The following CDH22 variants were observed in gnomAD, a reference collection of about 807,000 sequenced individuals.
CDH22 encodes cadherin-22.
A neutral mutation model predicts 58.4 loss-of-function variants in CDH22; 30 were observed. The ratio of observed to expected loss-of-function variants is 0.51; its 90% CI spans 0.38 to 0.70. The LOEUF (loss-of-function observed/expected upper bound fraction) is 0.70, where lower values mean the gene tolerates loss of function less well. Among genes scored for constraint, CDH22 ranks in the 30% least tolerant of loss-of-function variants. CDH22 has a pLI of 0.00. For synonymous variants in CDH22, 513 were observed against 558.2 expected, an observed-to-expected ratio of 0.92 and a Z score of 1.14; for missense variants, 1,014 against 1,233.9, an observed-to-expected ratio of 0.82 and a Z score of 2.67.
chr20:46,181,773 T>TTCTTTCTTTC, intron 10 of CDH22, among the ~76,000 whole-genome samples: 1 of 136,524 alleles, frequency 7.3e-6, no homozygotes, highest in East Asian at 2.1e-4. Flanking sequence ...CTTTCTTTCT[T>TTCTTTCTTTC]TCTTTCTTTC....
At chr20:46,230,449 C>T (rs912065455) in intron 3 of CDH22, among the ~76,000 whole-genome samples, 4 of 152,132 alleles carry the variant, frequency 2.6e-5, no homozygotes, top group African/African-American at 9.7e-5. Context: ...ATGTGGCTCT[C>T]GTGAGCTGGT....
chr20:46,273,932 A>G (rs986929363), intron 1 of CDH22, among the ~76,000 whole-genome samples: 1 of 152,244 alleles, frequency 6.6e-6, no homozygotes, highest in Non-Finnish European at 1.5e-5. Context: ...TTGGGCTGGG[A>G]CAGTTCCCTG....
At chr20:46,236,213 G>A (rs958408795) in intron 3 of CDH22, among the ~76,000 whole-genome samples, 7 of 151,964 alleles carry the variant, frequency 4.6e-5, no homozygotes, top group Admixed American at 1.3e-4. Context: ...CCCAGACCTC[G>A]TGAGCCAGAA....
At chr20:46,226,651 T>A (rs1370220398) in intron 4 of CDH22, among the ~76,000 whole-genome samples, 1 of 152,182 alleles carries the variant, frequency 6.6e-6, no homozygotes, top group Non-Finnish European at 1.5e-5. Context: ...TCCCTACATA[T>A]CTGCCTATCC....
rs1451171517 is a variant in CDH22 at position 46,174,469 on chromosome 20, C to T, written c.*37G>A. 2.2e-6 allele frequency: 3 copies of T among 1,369,034 alleles called. No homozygotes were observed. Among genetic ancestry groups the T allele is most frequent in the Admixed American group, 3.0e-5 (1 of 32,900 alleles). The allele number at this position is 1,369,034 out of a possible 1,614,324, so 84.8% of individuals were successfully genotyped here. On this transcript the variant is annotated 3_prime_UTR_variant, in exon 12 of 12. Transcript: ENST00000537909. The surrounding 1 kb of genome is among the most constrained non-coding windows in gnomAD (Gnocchi z 4.4). Reference sequence around the variant, plus strand: ...TCCTGGGGCCCCGGCGTGTGCTGGGCGGGTGAGCAGCCGCGCCCCGACGGC... The same window carrying T: ...TCCTGGGGCCCCGGCGTGTGCTGGGTGGGTGAGCAGCCGCGCCCCGACGGC...
At chr20:46,285,101 G>A (rs965802243) in intron 1 of CDH22, among the ~76,000 whole-genome samples, 1 of 152,158 alleles carries the variant, frequency 6.6e-6, no homozygotes, top group Non-Finnish European at 1.5e-5. Context: ...GGGACTCATT[G>A]GTTCCCATGT....
chr20:46,218,490 C>A (rs2086101524), intron 4 of CDH22, among the ~76,000 whole-genome samples: 1 of 152,214 alleles, frequency 6.6e-6, no homozygotes, highest in South Asian at 2.1e-4. Flanking sequence ...CTGTCACACT[C>A]ACCTGTATAC....
At chr20:46,227,996 C>T (rs2086191948) in intron 3 of CDH22, among the ~76,000 whole-genome samples, 1 of 152,234 alleles carries the variant, frequency 6.6e-6, no homozygotes, top group South Asian at 2.1e-4. Context: ...AAACTCCCAG[C>T]ACAGAGCTGT....
At chr20:46,261,678 G>C (rs1419270447) in intron 1 of CDH22, among the ~76,000 whole-genome samples, 1 of 152,176 alleles carries the variant, frequency 6.6e-6, no homozygotes, top group African/African-American at 2.4e-5. Context: ...CTGAGTCCCA[G>C]CGGCACTGTG....
intron 3 of CDH22, among the ~76,000 whole-genome samples, chr20:46,234,812 A>G (rs2086242484): frequency 6.6e-6 from 1 of 152,242 alleles, no homozygotes; most frequent in African/African-American, 2.4e-5. Context: ...AGTTAGCACA[A>G]GAGACGAAAC....
chr20:46,208,102 G>T (rs1277179211), intron 7 of CDH22, among the ~76,000 whole-genome samples: 1 of 152,240 alleles, frequency 6.6e-6, no homozygotes, highest in Non-Finnish European at 1.5e-5. Context: ...CACAGGGCTA[G>T]GCTCATAGTC....
chr20:46,210,074 G>A lies in CDH22; in HGVS notation c.1286+233C>T, dbSNP rs1214738305. 2.3e-6 allele frequency: 1 copy of A among 433,832 alleles called. No homozygotes were observed. The highest frequency in any genetic ancestry group is 2.1e-5 in the African/African-American group (1 of 48,280). 26.9% of individuals were successfully genotyped at this position (433,832 alleles called of 1,614,324 possible). A position where few individuals can be genotyped will look rare whatever the true frequency, so the allele number is the denominator to read the frequency against. ...GTCCCTCCTGGTTCTCTCCCTTATT[G>A]GCCTGGCTCGCCTGCCTGTCTCATT... On this transcript the variant is annotated intron_variant, in intron 7 of 11. Transcript: ENST00000537909. The surrounding 1 kb of genome is among the most constrained non-coding windows in gnomAD (Gnocchi z 4.5).
intron 1 of CDH22, among the ~76,000 whole-genome samples, chr20:46,295,963 A>G (rs2086627077): frequency 6.6e-6 from 1 of 152,096 alleles, no homozygotes. Flanking sequence ...GGGTCTTGCT[A>G]TGTTGCCCAG....
intron 1 of CDH22, among the ~76,000 whole-genome samples, chr20:46,266,925 T>G (rs200150932): frequency 6.9e-6 from 1 of 144,778 alleles, no homozygotes; most frequent in Non-Finnish European, 1.5e-5. Flanking sequence ...TTTTTTTTTT[T>G]GCCTTTTTCC....
intron 1 of CDH22, among the ~76,000 whole-genome samples, chr20:46,286,371 C>T (rs190325743): frequency 7.2e-5 from 11 of 152,118 alleles, no homozygotes; most frequent in Admixed American, 5.2e-4. Context: ...CAGCATCCCC[C>T]GGGGTCTCAG....
At position 46,251,462 on chromosome 20, in the gene CDH22, C is replaced by T. The variant is rs2086375039; in HGVS notation, c.-168G>A. 2.8e-6 allele frequency: 2 copies of T among 718,064 alleles called. No individual in the cohort carries two copies. The highest frequency in any genetic ancestry group is 5.0e-5 in the South Asian group (1 of 20,038). 44.5% of individuals were successfully genotyped at this position (718,064 alleles called of 1,614,324 possible). The stretch of plus-strand genomic sequence containing the variant: ...GACGGGCCCGCGGCCCTGAACGCCG[C>T]CCAGCCGCGGGGGTACCCGGCTGGA... On this transcript the variant is annotated 5_prime_UTR_variant, in exon 2 of 12. Transcript: ENST00000537909. This position sits in a 1 kb window ranked among gnomAD's most constrained non-coding sequence, Gnocchi z 6.7.
intron 3 of CDH22, among the ~76,000 whole-genome samples, chr20:46,227,884 A>C (rs2086190946): frequency 6.6e-6 from 1 of 152,222 alleles, no homozygotes; most frequent in South Asian, 2.1e-4. Context: ...TCCCAGCTGT[A>C]GGACTCTGGC....
At position 46,174,485 on chromosome 20, in the gene CDH22, C is replaced by G; in HGVS notation, c.*21G>C. 1 of 1,445,880 alleles carries G rather than the reference C, an allele frequency of 6.9e-7. No individual in the cohort carries two copies. Among genetic ancestry groups the G allele is most frequent in the Non-Finnish European group, 9.0e-7 (1 of 1,105,128 alleles). 89.6% of individuals were successfully genotyped at this position (1,445,880 alleles called of 1,614,324 possible). On this transcript the variant is annotated 3_prime_UTR_variant, in exon 12 of 12. Transcript: ENST00000537909. The surrounding 1 kb of genome is among the most constrained non-coding windows in gnomAD (Gnocchi z 4.4). ...TGTGCTGGGCGGGTGAGCAGCCGCG[C>G]CCCGACGGCAGGGCGAGGGGCTAGG...
chr20:46,301,515 A>G (rs918344456), intron 1 of CDH22, among the ~76,000 whole-genome samples: 8 of 151,270 alleles, frequency 5.3e-5, no homozygotes, highest in Non-Finnish European at 1.0e-4. Context: ...ATATATATAT[A>G]TATGTATATA....
Sources: gnomAD v4.1 joint callset for allele counts (sites outside exome capture counted in the v4.1 genomes callset) on GRCh38, gnomAD v4.1.1 for gene constraint, Gnocchi (gnomAD v3.1) non-coding constraint, MANE v1.5 for transcripts, NCBI Gene and HGNC (gene_info 2026-07-23, HGNC 2026-07-21) for gene names.